FARP1: variants seen among roughly 807,000 people sequenced by gnomAD.
FARP1 encodes the protein FERM, ARHGEF and pleckstrin domain-containing protein 1.
A neutral mutation model predicts 128.8 loss-of-function variants in FARP1; 52 were observed. The ratio of observed to expected loss-of-function variants is 0.40; its 90% CI spans 0.32 to 0.51. The LOEUF (loss-of-function observed/expected upper bound fraction) is 0.51. FARP1 is among the 20% of genes least tolerant of loss of function. The probability of loss-of-function intolerance (pLI) is 0.45; values close to 1 mark genes in which losing one functional copy is unlikely to be tolerated. For synonymous variants in FARP1, 580 were observed against 551.8 expected (o/e 1.05, Z -0.72); for missense variants, 1,333 against 1,367.9 (o/e 0.97, Z 0.40).
rs56030081 is a variant in FARP1, at chr13:98,309,153, C to CTTTTTTTTTTTTTTTTTTTTT, written c.172-34599_172-34579dup. 1.2e-4 allele frequency among the ~76,000 whole-genome samples: 11 copies of CTTTTTTTTTTTTTTTTTTTTT among 89,670 alleles called. 5 individuals are homozygous for CTTTTTTTTTTTTTTTTTTTTT. The highest frequency in any genetic ancestry group is 1.2e-4 in the Non-Finnish European group (6 of 48,410). The allele number at this position is 89,670 out of a possible 152,430, so 58.8% of individuals were successfully genotyped here. On this transcript the variant is annotated intron_variant, in intron 2 of 26. Coordinates refer to ENST00000319562, the MANE Select transcript of FARP1 (RefSeq NM_005766.4). ...TATATTAATATTAATTTTAAGAGGC[C>CTTTTTTTTTTTTTTTTTTTTT]TTTTTTTTTTTTTTTTTTTTTTTTT...
intron 5 of FARP1, among the ~76,000 whole-genome samples, chr13:98,371,289 G>A (rs1046909705): frequency 7.3e-6 from 1 of 136,372 alleles, no homozygotes; most frequent in African/African-American, 2.8e-5. Flanking sequence ...TTTGTGAATC[G>A]TCTCTAGAGG....
chr13:98,218,751 C>T (rs1881247531), intron 2 of FARP1, among the ~76,000 whole-genome samples: 1 of 152,152 alleles, frequency 6.6e-6, no homozygotes, highest in African/African-American at 2.4e-5. Context: ...AAACTCACTG[C>T]ACTCCATGCT....
chr13:98,440,191 G>A lies in FARP1; in HGVS notation c.2585G>A (p.Ser862Asn). 6.2e-7 allele frequency: 1 copy of A among 1,614,050 alleles called. No individual in the cohort carries two copies. The highest frequency in any genetic ancestry group is 8.5e-7 in the Non-Finnish European group (1 of 1,179,976). ...GCCATTGACCTGGCGGAGAAGAGCA[G>A]CAGCCCCGCCCCTGAGTTCCTGGCC... ...QMAIDLAEKSSSPAPEFLASS... is the reference protein window; with the variant it reads ...QMAIDLAEKSNSPAPEFLASS... Residue 862 changes from serine (S) to asparagine (N), a missense_variant, in exon 23 of 27, where the codon AGC (serine) becomes AAC (asparagine). Ser to Asn is a conservative substitution (Grantham distance 46). Coordinates refer to ENST00000319562, the MANE Select transcript of FARP1 (RefSeq NM_005766.4).
chr13:98,376,060 G>C (rs1207552989), intron 5 of FARP1, among the ~76,000 whole-genome samples: 1 of 152,120 alleles, frequency 6.6e-6, no homozygotes, highest in Non-Finnish European at 1.5e-5. Flanking sequence ...ACATTGTACA[G>C]GTTCGGTTTG....
chr13:98,451,043 C>T lies in FARP1; in HGVS notation c.*2726C>T, dbSNP rs1177801475. The T allele has an allele frequency of 6.6e-6, 1 of 152,180 alleles. No homozygotes were observed. The highest frequency in any genetic ancestry group is 1.9e-4 in the East Asian group (1 of 5,196). 9.4% of individuals were successfully genotyped at this position (152,180 alleles called of 1,614,324 possible). A position where few individuals can be genotyped will look rare whatever the true frequency, so the allele number is the denominator to read the frequency against. ...TTTGTCTGGCGACTGCAGAGACTCC[C>T]CGTTCATACCAGTATTCATTAGAAC... On this transcript the variant is annotated 3_prime_UTR_variant, in exon 27 of 27. Coordinates refer to ENST00000319562, the MANE Select transcript of FARP1 (RefSeq NM_005766.4).
chr13:98,284,262 A>T (rs894914416), intron 2 of FARP1, among the ~76,000 whole-genome samples: 2 of 152,102 alleles, frequency 1.3e-5, no homozygotes, highest in Non-Finnish European at 2.9e-5. Context: ...CTCTTCTTCC[A>T]GTGTGGCCCA....
intron 1 of FARP1, among the ~76,000 whole-genome samples, chr13:98,144,221 TG>T (rs1157246571): frequency 1.3e-5 from 2 of 151,614 alleles, no homozygotes; most frequent in African/African-American, 2.4e-5. Flanking sequence ...TGTGTGTGTG[TG>T]TGTGTTTTAT....
chr13:98,435,907 C>T, intron 19 of FARP1: 2 of 678,986 alleles, frequency 2.9e-6, no homozygotes, highest in Non-Finnish European at 5.5e-6. Context: ...AATCCTCTGA[C>T]CTCATATTCT....
chr13:98,351,208 T>C (rs1888407471), intron 3 of FARP1, among the ~76,000 whole-genome samples: 1 of 152,080 alleles, frequency 6.6e-6, no homozygotes, highest in South Asian at 2.1e-4. Context: ...CTCTTCTGAA[T>C]GGCAGTGGCC....
In FARP1 at chr13:98,391,329, A is replaced by G. The variant is rs9582225; in HGVS notation, c.1088+449A>G. On this transcript the variant is annotated intron_variant, in intron 11 of 26. Coordinates refer to ENST00000319562, the MANE Select transcript of FARP1 (RefSeq NM_005766.4). The stretch of plus-strand genomic sequence containing the variant: ...GGTCTTGCTCTGTTGCCCAGGCTGG[A>G]GTGCAGTGGTGTGATCACAGCCCAC... 5.9e-3 allele frequency among the ~76,000 whole-genome samples: 904 copies of G among 152,284 alleles called. 13 individuals carry two copies. Among genetic ancestry groups the G allele is most frequent in the African/African-American group, 0.021 (860 of 41,562 alleles).
chr13:98,177,072 T>A, intron 1 of FARP1: 1 of 1,597,058 alleles, frequency 6.3e-7, no homozygotes, highest in African/African-American at 1.3e-5. Flanking sequence ...GCTGAGCCAC[T>A]GTGTCGCCCT....
chr13:98,385,103 C>T (rs1890046785), intron 7 of FARP1, among the ~76,000 whole-genome samples: 1 of 152,212 alleles, frequency 6.6e-6, no homozygotes. Context: ...AAGGACCATC[C>T]AGTCATCAAG....
chr13:98,211,593 C>T (rs181538445), intron 1 of FARP1, among the ~76,000 whole-genome samples: 8 of 152,296 alleles, frequency 5.3e-5, no homozygotes, highest in African/African-American at 1.7e-4. Flanking sequence ...CCTGTGCCAT[C>T]GTGTTTCTGT....
chr13:98,324,938 G>A (rs181570811), intron 2 of FARP1, among the ~76,000 whole-genome samples: 1 of 152,302 alleles, frequency 6.6e-6, no homozygotes, highest in East Asian at 1.9e-4. Flanking sequence ...TGGGCATTGA[G>A]GGATTCTGTT....
chr13:98,239,018 T>A (rs4772054), intron 2 of FARP1, among the ~76,000 whole-genome samples: 121,382 of 152,044 alleles, frequency 0.8, 49,281 homozygotes, highest in East Asian at 1. Context: ...CCTGGGAAAG[T>A]CTGATTAGTG....
chr13:98,318,043 A>T, intron 2 of FARP1, among the ~76,000 whole-genome samples: 93 of 94,356 alleles, frequency 9.9e-4, no homozygotes, highest in Admixed American at 2.7e-3. Context: ...CTCCCTCTTC[A>T]TCTCCTTCCT....
intron 1 of FARP1, among the ~76,000 whole-genome samples, chr13:98,193,744 G>A (rs1330865189): frequency 1.3e-5 from 2 of 152,276 alleles, no homozygotes; most frequent in Non-Finnish European, 2.9e-5. Flanking sequence ...TGGAAATCCA[G>A]CTATGATATG....
intron 2 of FARP1, among the ~76,000 whole-genome samples, chr13:98,303,981 T>A (rs1886028065): frequency 1.3e-5 from 2 of 152,192 alleles, no homozygotes; most frequent in African/African-American, 4.8e-5. Flanking sequence ...GTGGTCTGAG[T>A]GTCACTGCAA....
At chr13:98,278,992 A>ATTTTTTTTTTTTTTTT (rs34010258) in intron 2 of FARP1, among the ~76,000 whole-genome samples, 3 of 137,770 alleles carry the variant, frequency 2.2e-5, no homozygotes, top group African/African-American at 8.3e-5. Context: ...CGCCCTGCTA[A>ATTTTTTTTTTTTTTTT]TTTTTTTTTT....
Sources: gnomAD v4.1 joint callset for allele counts (sites outside exome capture counted in the v4.1 genomes callset) on GRCh38, gnomAD v4.1.1 for gene constraint, MANE v1.5 for transcripts, NCBI Gene and HGNC (gene_info 2026-07-23, HGNC 2026-07-21) for gene names.